ERAP1: variants seen among roughly 807,000 people sequenced by gnomAD.
The protein encoded by ERAP1 is adipocyte-derived leucine aminopeptidase.
In ERAP1, 86 loss-of-function variants were observed where a neutral mutation model predicts 103.7. That is an observed-to-expected ratio of 0.83 (90% confidence interval 0.70 to 0.99). The LOEUF (loss-of-function observed/expected upper bound fraction) is 0.99. Among genes scored for constraint, ERAP1 ranks in the 50% least tolerant of loss-of-function variants. The pLI, the probability that ERAP1 is intolerant of heterozygous loss-of-function variation, is 0.00. For missense variants in ERAP1, 1,009 were observed against 1,128.4 expected (o/e 0.89, Z 1.52); for synonymous variants, 398 against 402.4 (o/e 0.99, Z 0.13).
At position 96,788,599 on chromosome 5, in the gene ERAP1, C is replaced by G; in HGVS notation, c.1611G>C (p.Val537=). Residue 537 remains valine, a synonymous_variant, in exon 11 of 19, where the codon GTG becomes GTC. Transcript: ENST00000443439. ...QKGFPLITIT[V]RGRNVHMKQE... ...GCTTCATGTGTACATTCCTCCCCCT[C>G]ACTGTGATGGTTATTAGGGGAAAAC... 1 of 1,614,202 alleles carries G rather than the reference C, an allele frequency of 6.2e-7. No homozygotes were observed. The highest frequency in any genetic ancestry group is 8.5e-7 in the Non-Finnish European group (1 of 1,180,032).
the ERAP1 span, among the ~76,000 whole-genome samples, chr5:96,933,212 T>A: frequency 2.7e-5 from 1 of 36,414 alleles, no homozygotes; most frequent in South Asian, 7.1e-4. Context: ...AAACCACGTC[T>A]TTTTTTTTTT....
chr5:96,907,606 GCCAGGTGGCTCATGCCTGTAATC>G, the ERAP1 span, among the ~76,000 whole-genome samples: 2 of 151,838 alleles, frequency 1.3e-5, no homozygotes, highest in Non-Finnish European at 2.9e-5. Context: ...GACTAGCCGG[GCCAGGTGGCTCATGCCTGTAATC>G]CCAGCATTTT....
chr5:96,889,793 G>A, the ERAP1 span, among the ~76,000 whole-genome samples: 1 of 151,524 alleles, frequency 6.6e-6, no homozygotes, highest in African/African-American at 2.4e-5. Flanking sequence ...ATGCCCAGCA[G>A]CATTGATTAG....
chr5:96,833,985 A>T, the ERAP1 span, among the ~76,000 whole-genome samples: 1 of 152,204 alleles, frequency 6.6e-6, no homozygotes, highest in Non-Finnish European at 1.5e-5. Context: ...TTGTACCAAA[A>T]TGCATGCCAG....
the ERAP1 span, among the ~76,000 whole-genome samples, chr5:96,864,822 TC>T: frequency 6.6e-6 from 1 of 152,154 alleles, no homozygotes; most frequent in Non-Finnish European, 1.5e-5. Flanking sequence ...ACTTTTTTTT[TC>T]AAAGTGACTT....
Position 96,790,282 on chromosome 5 carries a change from A to AACATG in ERAP1, c.1524+13_1524+14insCATGT. ...AATGTGCTTGGGGGAACATGTACAG[A>AACATG]TATAGAAACTTACTGAGGATGAAGA... On this transcript the variant is annotated intron_variant, in intron 10 of 18. Transcript: ENST00000443439. 6.2e-7 allele frequency: 1 copy of AACATG among 1,612,450 alleles called. No individual in the cohort carries two copies. Among genetic ancestry groups the AACATG allele is most frequent in the Non-Finnish European group, 8.5e-7 (1 of 1,178,498 alleles).
upstream of ERAP1, among the ~76,000 whole-genome samples, chr5:96,811,850 C>G (rs1322262320): frequency 6.6e-6 from 1 of 152,196 alleles, no homozygotes; most frequent in Non-Finnish European, 1.5e-5. Flanking sequence ...CAAGATACTG[C>G]TGTCTAAGGT....
the ERAP1 span, among the ~76,000 whole-genome samples, chr5:96,863,126 C>G: frequency 3.9e-4 from 59 of 152,222 alleles, no homozygotes; most frequent in African/African-American, 1.2e-3. Flanking sequence ...TCTAAATCCA[C>G]CACTGTGCCC....
chr5:96,879,537 T>A, the ERAP1 span: 1 of 605,306 alleles, frequency 1.7e-6, no homozygotes, highest in Non-Finnish European at 2.9e-6. Flanking sequence ...TTTTTTGTCA[T>A]GCTATAAGTG....
the ERAP1 span, among the ~76,000 whole-genome samples, chr5:96,838,166 G>C: frequency 2.0e-5 from 3 of 152,160 alleles, no homozygotes; most frequent in Non-Finnish European, 4.4e-5. Context: ...TGGGGTCCTC[G>C]CAGCGAACCT....
the ERAP1 span, among the ~76,000 whole-genome samples, chr5:96,891,565 TATATGGTAC>T: frequency 7.0e-6 from 1 of 142,060 alleles, no homozygotes; most frequent in Non-Finnish European, 1.5e-5. Flanking sequence ...CACACACACA[TATATGGTAC>T]ACACACACAC....
At chr5:96,854,289 T>G in the ERAP1 span, among the ~76,000 whole-genome samples, 2 of 152,186 alleles carry the variant, frequency 1.3e-5, no homozygotes, top group South Asian at 4.1e-4. Context: ...GCAGTCAATG[T>G]TGCAAATTAG....
the ERAP1 span, among the ~76,000 whole-genome samples, chr5:96,891,221 C>T: frequency 9.4e-4 from 142 of 151,862 alleles, no homozygotes; most frequent in African/African-American, 3.2e-3. Flanking sequence ...TCTTTTTTTC[C>T]AGCTAAACAG....
the ERAP1 span, among the ~76,000 whole-genome samples, chr5:96,858,908 T>C: frequency 6.6e-6 from 1 of 152,164 alleles, no homozygotes; most frequent in South Asian, 2.1e-4. Flanking sequence ...CCTGTGTTCT[T>C]GATTCACAGG....
the ERAP1 span, chr5:96,886,723 A>T: frequency 6.4e-7 from 1 of 1,554,476 alleles, no homozygotes; most frequent in Non-Finnish European, 8.8e-7. Context: ...AAATGAGTAC[A>T]TACCTTGTAG....
chr5:96,917,139 C>T, the ERAP1 span, among the ~76,000 whole-genome samples: 1 of 152,194 alleles, frequency 6.6e-6, no homozygotes, highest in African/African-American at 2.4e-5. Context: ...AACTGCCTCG[C>T]TCTGTCAGCC....
chr5:96,848,334 A>G, the ERAP1 span, among the ~76,000 whole-genome samples: 1 of 152,216 alleles, frequency 6.6e-6, no homozygotes, highest in Admixed American at 6.5e-5. Context: ...TACAGGCATG[A>G]GCCACCATAC....
At chr5:96,879,252 A>T in the ERAP1 span, among the ~76,000 whole-genome samples, 1 of 152,228 alleles carries the variant, frequency 6.6e-6, no homozygotes, top group Non-Finnish European at 1.5e-5. Flanking sequence ...AAAAATTTAA[A>T]ATATAACCAA....
chr5:96,776,490 G>T lies in ERAP1; in HGVS notation c.2732C>A (p.Thr911Lys), dbSNP rs781182080. The T allele has an allele frequency of 3.1e-6, 5 of 1,614,148 alleles. No homozygotes were observed. Among genetic ancestry groups the T allele is most frequent in the South Asian group, 1.1e-5 (1 of 91,086 alleles). ...GATGTTTTCTTCAATGGTTTCAATT[G>T]TCTGTTGGACACAACGGAGCTGAGA... ...NGSQLRCVQQ[T>K]IETIEENIGW... Residue 911 changes from threonine to lysine, a missense_variant, in exon 19 of 19, where the codon ACA becomes AAA. Around this residue, in one of 3 missense-constraint regions of ERAP1, gnomAD observed 611 missense variants for 651.7 expected, o/e 0.94. Transcript: ENST00000443439.
Sources: gnomAD v4.1 joint callset for allele counts (sites outside exome capture counted in the v4.1 genomes callset) on GRCh38, gnomAD v4.1.1 for gene constraint, gnomAD v4.1.1 regional missense constraint, MANE v1.5 for transcripts, NCBI Gene and HGNC (gene_info 2026-07-23, HGNC 2026-07-21) for gene names.